The following SPRED2 variants were observed in gnomAD, a reference collection of about 807,000 sequenced individuals.
The protein encoded by SPRED2 is sprouty-related, EVH1 domain-containing protein 2.
A neutral mutation model predicts 43.0 loss-of-function variants in SPRED2; 47 were observed. The ratio of observed to expected loss-of-function variants is 1.09; its 90% CI spans 0.87 to 1.40. The LOEUF is 1.40. SPRED2 is among the 40% of genes most tolerant of loss of function. SPRED2 has a pLI of 0.00. For synonymous variants in SPRED2, 225 were observed against 225.7 expected, an observed-to-expected ratio of 1.00 and a Z score of 0.03; for missense variants, 561 against 586.4, an observed-to-expected ratio of 0.96 and a Z score of 0.45.
chr2:65,424,694 T>A (rs1351591588), intron 1 of SPRED2, among the ~76,000 whole-genome samples: 1 of 152,148 alleles, frequency 6.6e-6, no homozygotes, highest in Non-Finnish European at 1.5e-5. Context: ...CTCATGCCTA[T>A]AATCCCAGCA....
chr2:65,360,818 G>A (rs1674793136), intron 1 of SPRED2, among the ~76,000 whole-genome samples: 2 of 152,200 alleles, frequency 1.3e-5, no homozygotes, highest in Admixed American at 6.5e-5. Flanking sequence ...TATACGCTAT[G>A]TTATGTGTTT....
chr2:65,354,575 A>T (rs1480628397), intron 1 of SPRED2, among the ~76,000 whole-genome samples: 1 of 152,074 alleles, frequency 6.6e-6, no homozygotes, highest in Non-Finnish European at 1.5e-5. Context: ...ATCTTAATAG[A>T]AACTTTTTGA....
intron 1 of SPRED2, among the ~76,000 whole-genome samples, chr2:65,363,016 T>G (rs1396686088): frequency 2.8e-4 from 41 of 145,130 alleles, no homozygotes; most frequent in South Asian, 4.3e-4. Context: ...TTTTTTTTTT[T>G]TTTTTTTTTT....
At chr2:65,353,425 A>G (rs968456811) in intron 1 of SPRED2, among the ~76,000 whole-genome samples, 4 of 152,242 alleles carry the variant, frequency 2.6e-5, no homozygotes, top group South Asian at 2.1e-4. Flanking sequence ...CGTTTCCTCC[A>G]TTATCATGGA....
At chr2:65,409,159 C>G (rs1028106786) in intron 1 of SPRED2, among the ~76,000 whole-genome samples, 1 of 152,170 alleles carries the variant, frequency 6.6e-6, no homozygotes, top group Non-Finnish European at 1.5e-5. Flanking sequence ...ACACTGGTCG[C>G]ACAGCTAATA....
At chr2:65,376,363 G>T (rs900168379) in intron 1 of SPRED2, among the ~76,000 whole-genome samples, 4 of 152,188 alleles carry the variant, frequency 2.6e-5, no homozygotes, top group Admixed American at 6.5e-5. Flanking sequence ...ATAAGCAGTG[G>T]CCAGAAGCTT....
intron 1 of SPRED2, among the ~76,000 whole-genome samples, chr2:65,373,205 C>T (rs1023626326): frequency 6.6e-6 from 1 of 152,186 alleles, no homozygotes; most frequent in Non-Finnish European, 1.5e-5. Context: ...GGTAGAGTCA[C>T]TTAACTTCTT....
chr2:65,369,511 A>G (rs938013349), intron 1 of SPRED2, among the ~76,000 whole-genome samples: 1 of 152,174 alleles, frequency 6.6e-6, no homozygotes, highest in Non-Finnish European at 1.5e-5. Flanking sequence ...TTCAGAACAC[A>G]TTTTACTCAT....
intron 1 of SPRED2, among the ~76,000 whole-genome samples, chr2:65,402,210 C>G (rs1185107632): frequency 1.6e-5 from 2 of 126,886 alleles, no homozygotes; most frequent in South Asian, 2.7e-4. Flanking sequence ...GCCCGGGAGG[C>G]GAAGGTTTCA....
intron 1 of SPRED2, among the ~76,000 whole-genome samples, chr2:65,393,126 C>T (rs1396528297): frequency 2.0e-5 from 3 of 152,142 alleles, no homozygotes; most frequent in Non-Finnish European, 2.9e-5. Context: ...TTAAATAATC[C>T]TAAATGTAGC....
intron 1 of SPRED2, among the ~76,000 whole-genome samples, chr2:65,360,101 A>AAAAAAAAAAAC (rs1674768251): frequency 4.0e-3 from 50 of 12,610 alleles, no homozygotes; most frequent in African/African-American, 7.3e-3. Context: ...AAAAAAAAAC[A>AAAAAAAAAAAC]AAAAAAAAAA....
Position 65,312,384 on chromosome 2 carries a change from A to G in SPRED2, c.*1117T>C, listed in dbSNP as rs1673093629. On this transcript the variant is annotated 3_prime_UTR_variant, in exon 6 of 6. Transcript: ENST00000356388. ...AACATAAACCCATGAAGAAAATGCAACCCACCACTCTTCAAATTTATGACA... is the reference window on the plus strand; with the variant it reads ...AACATAAACCCATGAAGAAAATGCAGCCCACCACTCTTCAAATTTATGACA... 1.0e-6 allele frequency: 1 copy of G among 985,278 alleles called. No homozygotes were observed. The highest frequency in any genetic ancestry group is 1.2e-6 in the Non-Finnish European group (1 of 829,922). The allele number at this position is 985,278 out of a possible 1,614,324, so 61.0% of individuals were successfully genotyped here. A position where few individuals can be genotyped will look rare whatever the true frequency, so the allele number is the denominator to read the frequency against.
intron 1 of SPRED2, among the ~76,000 whole-genome samples, chr2:65,387,385 C>T (rs972081315): frequency 2.0e-5 from 3 of 152,200 alleles, no homozygotes; most frequent in African/African-American, 7.2e-5. Flanking sequence ...CTAAAACAGT[C>T]ATTTGTAACA....
chr2:65,397,491 T>A (rs1219485958), intron 1 of SPRED2, among the ~76,000 whole-genome samples: 1 of 152,144 alleles, frequency 6.6e-6, no homozygotes, highest in East Asian at 1.9e-4. Context: ...GTCAAGCTTT[T>A]CACAACTACC....
intron 1 of SPRED2, among the ~76,000 whole-genome samples, chr2:65,410,252 A>G (rs2103759076): frequency 6.6e-6 from 1 of 152,010 alleles, no homozygotes; most frequent in African/African-American, 2.4e-5. Flanking sequence ...TGAAAAGAAA[A>G]CAAACAAACA....
chr2:65,425,481 G>A (rs149572572), intron 1 of SPRED2, among the ~76,000 whole-genome samples: 15 of 152,350 alleles, frequency 9.8e-5, no homozygotes, highest in Non-Finnish European at 2.2e-4. Context: ...TATGCCACAT[G>A]TGAACATAAT....
At chr2:65,394,777 A>C (rs1675716359) in intron 1 of SPRED2, among the ~76,000 whole-genome samples, 1 of 152,138 alleles carries the variant, frequency 6.6e-6, no homozygotes, top group African/African-American at 2.4e-5. Flanking sequence ...AGTGAGGCGC[A>C]GGGAGGGTTG....
At position 65,355,873 on chromosome 2, in the gene SPRED2, T is replaced by A. The variant is rs1002193040; in HGVS notation, c.27-10977A>T. Reference sequence around the variant, plus strand: ...TCCAGAAGCAGTAATTTTCTGACTTTCCCTCTGTTTTACACACCCTTCCAA... The same window carrying A: ...TCCAGAAGCAGTAATTTTCTGACTTACCCTCTGTTTTACACACCCTTCCAA... On this transcript the variant is annotated intron_variant, in intron 1 of 5. Coordinates refer to ENST00000356388, the MANE Select transcript of SPRED2 (RefSeq NM_181784.3). Among the ~76,000 whole-genome samples the A allele has an allele frequency of 2.6e-5, 4 of 152,314 alleles. No homozygotes were observed. The East Asian group carries it at 7.7e-4, about 29-fold the overall frequency.
chr2:65,426,147 T>C (rs1035493933), intron 1 of SPRED2, among the ~76,000 whole-genome samples: 3 of 152,214 alleles, frequency 2.0e-5, no homozygotes, highest in Non-Finnish European at 4.4e-5. Flanking sequence ...GTCAAGATTT[T>C]TTACTTGTCA....
Sources: gnomAD v4.1 joint callset for allele counts (sites outside exome capture counted in the v4.1 genomes callset) on GRCh38, gnomAD v4.1.1 for gene constraint, MANE v1.5 for transcripts, NCBI Gene and HGNC (gene_info 2026-07-23, HGNC 2026-07-21) for gene names.